The following GABRR3 variants were observed in gnomAD, a reference collection of about 807,000 sequenced individuals.
The protein encoded by GABRR3 is gamma-aminobutyric acid receptor subunit rho-3.
GABRR3 carries 29 observed loss-of-function variants against 43.2 expected under a neutral mutation model. The observed-to-expected ratio is 0.67, with a 90% CI of 0.50 to 0.92. GABRR3 has a LOEUF of 0.92. GABRR3 is among the 40% of genes least tolerant of loss of function. The probability of loss-of-function intolerance (pLI) is 0.00; values close to 1 mark genes in which losing one functional copy is unlikely to be tolerated. For synonymous variants in GABRR3, 206 were observed against 195.9 expected (o/e 1.05, Z -0.43); for missense variants, 576 against 572.3 (o/e 1.01, Z -0.07).
At position 98,017,642 on chromosome 3, in the gene GABRR3, T is replaced by C; in HGVS notation, c.306+13A>G. On this transcript the variant is annotated intron_variant, in intron 4 of 9. Coordinates refer to ENST00000621172, the Ensembl canonical transcript of GABRR3. ...TTTTCAGAAAAAGAGCAATATCCCA[T>C]GAAGAAACTTACCATGTTAGTCTCT... 1.3e-6 allele frequency: 2 copies of C among 1,598,292 alleles called. No homozygotes were observed. Among genetic ancestry groups the C allele is most frequent in the Non-Finnish European group, 1.7e-6 (2 of 1,169,266 alleles).
Position 98,033,445 on chromosome 3 carries a change from A to ATGT in GABRR3, c.125+1415_125+1417dup, listed in dbSNP as rs369682593. ...ATTTCTACCTCACCACAAAGAACCAATGTTCTTTTCTTTTTCTTTAAATGT... is the reference window on the plus strand; with the variant it reads ...ATTTCTACCTCACCACAAAGAACCAATGTTGTTCTTTTCTTTTTCTTTAAATGT... On this transcript the variant is annotated intron_variant, in intron 2 of 9. Coordinates refer to ENST00000621172, the Ensembl canonical transcript of GABRR3. Among the ~76,000 whole-genome samples, 833 of 152,212 alleles carry ATGT rather than the reference A, an allele frequency of 5.5e-3. 7 individuals carry two copies. The highest frequency in any genetic ancestry group is 0.019 in the African/African-American group (797 of 41,532).
intron 4 of GABRR3, among the ~76,000 whole-genome samples, chr3:98,013,071 C>T (rs1020868157): frequency 6.6e-6 from 1 of 152,130 alleles, no homozygotes; most frequent in Non-Finnish European, 1.5e-5. Context: ...TAGAGCTATT[C>T]GTGTAAAGCA....
chr3:97,986,410 G>A (rs1199664359), downstream of GABRR3, among the ~76,000 whole-genome samples: 3 of 152,194 alleles, frequency 2.0e-5, no homozygotes, highest in Non-Finnish European at 4.4e-5. Context: ...TAAGAAAGAA[G>A]GAGGGTTCAG....
At chr3:98,004,349 C>T (rs531811830) in intron 7 of GABRR3, among the ~76,000 whole-genome samples, 1 of 152,024 alleles carries the variant, frequency 6.6e-6, no homozygotes, top group Non-Finnish European at 1.5e-5. Context: ...ATTATGAAAC[C>T]CATTTAAAGA....
At chr3:98,010,846 C>T (rs766550221) in intron 5 of GABRR3, among the ~76,000 whole-genome samples, 2 of 152,164 alleles carry the variant, frequency 1.3e-5, no homozygotes, top group African/African-American at 2.4e-5. Flanking sequence ...ACACCTGTAA[C>T]GCCAGTACTT....
chr3:98,035,234 T>A (rs966982869), exon 1 of GABRR3: 1 of 482,436 alleles, frequency 2.1e-6, no homozygotes, highest in Non-Finnish European at 3.7e-6. Context: ...ATTTTTAAAA[T>A]TTTCAGTTTA....
chr3:98,008,912 T>C, intron 6 of GABRR3, 44 bp downstream of exon 6: 2 of 1,097,052 alleles, frequency 1.8e-6, no homozygotes, highest in Non-Finnish European at 2.7e-6. Flanking sequence ...TGTGATGGTG[T>C]GTTCAAATGA....
At chr3:97,991,487 C>G (rs993562522) in intron 9 of GABRR3, among the ~76,000 whole-genome samples, 5 of 152,202 alleles carry the variant, frequency 3.3e-5, no homozygotes, top group African/African-American at 1.2e-4. Flanking sequence ...ATGTAAGTGA[C>G]AGGCAAACAT....
At chr3:98,005,458 T>C (rs1706713826) in intron 7 of GABRR3, among the ~76,000 whole-genome samples, 1 of 152,132 alleles carries the variant, frequency 6.6e-6, no homozygotes, top group Admixed American at 6.5e-5. Flanking sequence ...GGAACCAAAA[T>C]GATATTTCTT....
chr3:97,997,453 A>T (rs1455346124), intron 8 of GABRR3: 1 of 152,228 alleles, frequency 6.6e-6, no homozygotes, highest in East Asian at 1.9e-4. Context: ...TTTATATTTT[A>T]AAAAGGTAAT....
chr3:98,002,589 T>TC (rs1279277516), intron 7 of GABRR3, among the ~76,000 whole-genome samples: 1 of 152,182 alleles, frequency 6.6e-6, no homozygotes, highest in Non-Finnish European at 1.5e-5. Context: ...TTCTTTTTTT[T>TC]CTCATACATT....
intron 6 of GABRR3, among the ~76,000 whole-genome samples, chr3:98,008,672 T>C (rs1439091783): frequency 6.6e-6 from 1 of 152,040 alleles, no homozygotes; most frequent in Non-Finnish European, 1.5e-5. Context: ...GTAGCAAGAA[T>C]AGACTTTTTA....
intron 2 of GABRR3, among the ~76,000 whole-genome samples, chr3:98,026,363 T>C (rs1240022364): frequency 1.3e-5 from 2 of 152,196 alleles, no homozygotes; most frequent in Non-Finnish European, 2.9e-5. Context: ...AAGCAGGCAG[T>C]GGCCTCTTGG....
intron 8 of GABRR3, chr3:97,999,033 G>T (rs1209109387): frequency 1.3e-5 from 2 of 152,088 alleles, no homozygotes; most frequent in Non-Finnish European, 2.9e-5. Flanking sequence ...CACTGCCAAA[G>T]ATTAAGAAGG....
intron 2 of GABRR3, among the ~76,000 whole-genome samples, chr3:98,032,919 C>T (rs530867393): frequency 5.3e-5 from 8 of 152,168 alleles, no homozygotes; most frequent in African/African-American, 1.7e-4. Flanking sequence ...ATAATCAGGT[C>T]GGGTGCTGGG....
downstream of GABRR3, among the ~76,000 whole-genome samples, chr3:97,985,898 G>A (rs577590776): frequency 6.6e-5 from 10 of 150,454 alleles, no homozygotes; most frequent in East Asian, 3.9e-4. Context: ...ATGATGTCTC[G>A]CTCTGTCGCC....
chr3:98,012,195 G>C (rs1706801920), intron 5 of GABRR3, 149 bp downstream of exon 5: 5 of 638,420 alleles, frequency 7.8e-6, no homozygotes, highest in Non-Finnish European at 1.4e-5. Context: ...TAGAACCAGG[G>C]GAAAATCACA....
intron 3 of GABRR3, among the ~76,000 whole-genome samples, chr3:98,020,411 C>A (rs1409717875): frequency 7.0e-6 from 1 of 142,730 alleles, no homozygotes. Flanking sequence ...GGAATGTAAG[C>A]CACTACTCCC....
At chr3:98,030,618 T>C (rs1419647434) in intron 2 of GABRR3, among the ~76,000 whole-genome samples, 2 of 152,206 alleles carry the variant, frequency 1.3e-5, no homozygotes, top group Non-Finnish European at 2.9e-5. Flanking sequence ...GTATCATAAA[T>C]TATCTAGAAA....
Sources: allele counts gnomAD v4.1 joint callset (sites outside exome capture counted in the v4.1 genomes callset), GRCh38; gene constraint gnomAD v4.1.1; transcripts MANE v1.5; gene names NCBI Gene and HGNC (gene_info 2026-07-23, HGNC 2026-07-21).